Variants in TMEM198 observed in about 807,000 individuals in gnomAD.
TMEM198 encodes transmembrane protein 198.
Under a neutral mutation model 31.5 loss-of-function variants are expected in TMEM198, and 21 were observed. The observed-to-expected ratio is 0.67, with a 90% CI of 0.47 to 0.96. The LOEUF (loss-of-function observed/expected upper bound fraction) is 0.96. Among genes scored for constraint, TMEM198 ranks in the 40% least tolerant of loss-of-function variants. The probability of loss-of-function intolerance (pLI) is 0.00; values close to 1 mark genes in which losing one functional copy is unlikely to be tolerated. For missense variants in TMEM198, 447 were observed against 499.4 expected, an observed-to-expected ratio of 0.89 and a Z score of 1.00; for synonymous variants, 211 against 223.3, an observed-to-expected ratio of 0.95 and a Z score of 0.49.
intron 4 of TMEM198, 48 bp downstream of exon 4, chr2:219,549,402 A>G: frequency 6.3e-7 from 1 of 1,576,026 alleles, no homozygotes; most frequent in Non-Finnish European, 8.6e-7. Flanking sequence ...AAGTGTGGAA[A>G]CTCTTTCCAA....
At chr2:219,544,016 G>T (rs1302298572), upstream of TMEM198, 1 of 357,048 alleles carries the variant, frequency 2.8e-6, no homozygotes, top group African/African-American at 2.2e-5. Flanking sequence ...TGGATGGTGC[G>T]CCCTGAGTGA....
upstream of TMEM198, chr2:219,543,958 G>A (rs1318553312): frequency 1.4e-5 from 5 of 347,808 alleles, no homozygotes; most frequent in Non-Finnish European, 2.3e-5. Flanking sequence ...GCCTCCCGCG[G>A]CGTGGTTGGT....
intron 4 of TMEM198, 113 bp from the exon 5 acceptor site, chr2:219,549,604 C>G: frequency 6.6e-7 from 1 of 1,506,648 alleles, no homozygotes; most frequent in Non-Finnish European, 9.0e-7. Context: ...GGGCTGTGGA[C>G]TCTGGGTCTA....
At chr2:219,545,458 T>C (rs1458148551) in intron 2 of TMEM198, among the ~76,000 whole-genome samples, 1 of 152,314 alleles carries the variant, frequency 6.6e-6, no homozygotes. Context: ...TGAATACTTG[T>C]ACAGGACGGG....
chr2:219,547,589 C>A lies in TMEM198; in HGVS notation c.250C>A (p.Arg84=). 6.8e-7 allele frequency: 1 copy of A among 1,466,618 alleles called. No homozygotes were observed. The highest frequency in any genetic ancestry group is 9.0e-7 in the Non-Finnish European group (1 of 1,105,858). 90.9% of individuals were successfully genotyped at this position (1,466,618 alleles called of 1,614,324 possible). A position where few individuals can be genotyped will look rare whatever the true frequency, so the allele number is the denominator to read the frequency against. Residue 84 remains arginine, a synonymous_variant, in exon 3 of 5, where the codon CGG becomes AGG. Coordinates refer to ENST00000373883, the MANE Select transcript of TMEM198 (RefSeq NM_001005209.3). ...VVIFLLCYRE[R]VLETQLSAGA... ...CATCTTCCTCCTCTGCTACCGAGAG[C>A]GGGTGCTAGAGACACAGCTGAGTGC...
intron 2 of TMEM198, 167 bp from the exon 3 acceptor site, chr2:219,547,339 A>G (rs887608953): frequency 1.2e-5 from 6 of 517,466 alleles, no homozygotes; most frequent in Non-Finnish European, 1.9e-5. Flanking sequence ...CCTGACCTCA[A>G]TGGCCCCATC....
intron 3 of TMEM198, 44 bp from the exon 4 acceptor site, chr2:219,549,108 G>A: frequency 6.2e-7 from 1 of 1,608,886 alleles, no homozygotes; most frequent in Non-Finnish European, 8.5e-7. Context: ...AGGGAAACAA[G>A]GCGCACCGTC....
intron 2 of TMEM198, among the ~76,000 whole-genome samples, chr2:219,545,911 T>C (rs1330113319): frequency 6.6e-6 from 1 of 151,922 alleles, no homozygotes; most frequent in South Asian, 2.1e-4. Flanking sequence ...AACTGAAGAG[T>C]AGGCAGGAGG....
At chr2:219,547,285 T>C (rs1695408425) in intron 2 of TMEM198, 2 of 437,410 alleles carry the variant, frequency 4.6e-6, no homozygotes, top group Non-Finnish European at 8.1e-6. Flanking sequence ...ATGGTTATGT[T>C]TGCCTTCCCA....
Position 219,544,073 on chromosome 2 carries a change from G to A in TMEM198, c.-344G>A, listed in dbSNP as rs1315298762. 1 of 405,594 alleles carries A rather than the reference G, an allele frequency of 2.5e-6. No individual in the cohort carries two copies. The highest frequency in any genetic ancestry group is 4.9e-6 in the Non-Finnish European group (1 of 204,196). The allele number at this position is 405,594 out of a possible 1,614,324, so 25.1% of individuals were successfully genotyped here. ...CTGTCCATCAGCACCAAAGGCCGCGGGCGGGCTCAGGGCATGGGGCCGCGG... is the reference window on the plus strand; with the variant it reads ...CTGTCCATCAGCACCAAAGGCCGCGAGCGGGCTCAGGGCATGGGGCCGCGG... On this transcript the variant is annotated 5_prime_UTR_variant, in exon 1 of 5. Transcript: ENST00000373883.
At chr2:219,543,889 C>A, upstream of TMEM198, 1 of 350,460 alleles carries the variant, frequency 2.9e-6, no homozygotes, top group Non-Finnish European at 5.4e-6. Context: ...AGGGGAAGGA[C>A]CCCCGGAAGT....
At position 219,547,731 on chromosome 2, in the gene TMEM198, C is replaced by G; in HGVS notation, c.392C>G (p.Ala131Gly). Residue 131 changes from alanine (A) to glycine (G), a missense_variant, in exon 3 of 5, where the codon GCT (alanine) becomes GGT (glycine). Transcript: ENST00000373883. ...VGLLLGLLLA[A>G]AALLGSAPYY... ...CTGCTGCTCGGCCTGCTGCTCGCAG[C>G]TGCTGCCCTGCTGGGCTCCGCACCC... is the stretch of plus-strand genomic sequence containing the variant. 1.9e-6 allele frequency: 3 copies of G among 1,589,620 alleles called. No individual in the cohort carries two copies. Among genetic ancestry groups the G allele is most frequent in the Non-Finnish European group, 2.6e-6 (3 of 1,173,238 alleles).
chr2:219,547,863 C>T lies in TMEM198; in HGVS notation c.524C>T (p.Ala175Val), dbSNP rs1416480709. 5.0e-6 allele frequency: 8 copies of T among 1,588,778 alleles called. No individual in the cohort carries two copies. Among genetic ancestry groups the T allele is most frequent in the Non-Finnish European group, 6.8e-6 (8 of 1,172,922 alleles). The change falls in exon 3 of 5, where the codon GCC (alanine) becomes GTC (valine). Residue 175 changes from alanine to valine, a missense_variant. Ala to Val is a moderately conservative substitution (Grantham distance 64, BLOSUM62 0). Coordinates refer to ENST00000373883, the MANE Select transcript of TMEM198 (RefSeq NM_001005209.3). ...TGGCCCCGCCCACTCACCACCCTGG[C>T]CACCGCCGTGACTGGTGCTGCGCTG... ...LRWPRPLTTLATAVTGAALIA... is the reference protein window; with the variant it reads ...LRWPRPLTTLVTAVTGAALIA...
Position 219,544,062 on chromosome 2 carries a change from C to T in TMEM198, c.-355C>T, listed in dbSNP as rs763616148. The T allele has an allele frequency of 5.0e-5, 20 of 398,820 alleles. No homozygotes were observed. Among genetic ancestry groups the T allele is most frequent in the South Asian group, 3.1e-4 (17 of 55,174 alleles). The allele number at this position is 398,820 out of a possible 1,614,324, so 24.7% of individuals were successfully genotyped here. A position where few individuals can be genotyped will look rare whatever the true frequency, so the allele number is the denominator to read the frequency against. ...AGAGGCCGGAGCTGTCCATCAGCAC[C>T]AAAGGCCGCGGGCGGGCTCAGGGCA... On this transcript the variant is annotated 5_prime_UTR_variant, in exon 1 of 5. Transcript: ENST00000373883.
intron 2 of TMEM198, among the ~76,000 whole-genome samples, chr2:219,546,565 G>GTTCCTCTCTC (rs1282123663): frequency 6.6e-6 from 1 of 152,026 alleles, no homozygotes; most frequent in East Asian, 1.9e-4. Context: ...TGGTCTCAGT[G>GTTCCTCTCTC]TTCCTCTCTC....
intron 3 of TMEM198, among the ~76,000 whole-genome samples, chr2:219,548,867 G>C (rs2105996639): frequency 6.6e-6 from 1 of 152,286 alleles, no homozygotes; most frequent in Non-Finnish European, 1.5e-5. Flanking sequence ...CCAGTGGAAA[G>C]ATGATGATGG....
chr2:219,544,983 AC>A, intron 2 of TMEM198, 90 bp downstream of exon 2: 1 of 1,398,296 alleles, frequency 7.2e-7, no homozygotes, highest in Non-Finnish European at 9.9e-7. Flanking sequence ...GAATCCCTCT[AC>A]CATCATGAAT....
chr2:219,546,778 C>CTTTTTTTTTT lies in TMEM198; in HGVS notation c.167-720_167-711dup, dbSNP rs397987890. Among the ~76,000 whole-genome samples, 925 of 127,150 alleles carry CTTTTTTTTTT rather than the reference C, an allele frequency of 7.3e-3. 27 individuals carry two copies. Among genetic ancestry groups the CTTTTTTTTTT allele is most frequent in the African/African-American group, 0.027 (868 of 32,582 alleles). 83.4% of individuals were successfully genotyped at this position (127,150 alleles called of 152,430 possible). A position where few individuals can be genotyped will look rare whatever the true frequency, so the allele number is the denominator to read the frequency against. ...TGTGTGACCCTCACCTCTCAAGTTT[C>CTTTTTTTTTT]TTTTTTTTTTTTTTTTTGAGACAAG... On this transcript the variant is annotated intron_variant, in intron 2 of 4. Transcript: ENST00000373883.
At chr2:219,544,590 T>G in intron 1 of TMEM198, 99 bp from the exon 2 acceptor site, 2 of 944,538 alleles carry the variant, frequency 2.1e-6, no homozygotes, top group Non-Finnish European at 3.2e-6. Context: ...ATACTATTCC[T>G]TTGTCCACTG....
Sources: allele counts gnomAD v4.1 joint callset (sites outside exome capture counted in the v4.1 genomes callset), GRCh38; gene constraint gnomAD v4.1.1; transcripts MANE v1.5; gene names NCBI Gene and HGNC (gene_info 2026-07-23, HGNC 2026-07-21).